The following MCTP1 variants were observed in gnomAD, a reference collection of about 807,000 sequenced individuals.
MCTP1 encodes the protein multiple C2 and transmembrane domain containing 1.
Under a neutral mutation model 120.6 loss-of-function variants are expected in MCTP1, and 69 were observed. That is an observed-to-expected ratio of 0.57 (90% CI 0.47 to 0.70). MCTP1 has a LOEUF of 0.70. Among genes scored for constraint, MCTP1 ranks in the 30% least tolerant of loss-of-function variants. The pLI is 0.00. For missense variants in MCTP1, 1,203 were observed against 1,248.8 expected (o/e 0.96, Z 0.55); for synonymous variants, 529 against 493.1 (o/e 1.07, Z -0.96).
chr5:94,713,071 G>T (rs1240049415), intron 20 of MCTP1, among the ~76,000 whole-genome samples: 1 of 152,082 alleles, frequency 6.6e-6, no homozygotes, highest in African/African-American at 2.4e-5. Context: ...CCCAAAAAGG[G>T]ATGCAATTCA....
intron 1 of MCTP1, among the ~76,000 whole-genome samples, chr5:95,105,845 A>G (rs1757042289): frequency 6.6e-6 from 1 of 152,170 alleles, no homozygotes; most frequent in African/African-American, 2.4e-5. Flanking sequence ...AAATATGATG[A>G]TTAAGCCTTT....
intron 10 of MCTP1, among the ~76,000 whole-genome samples, chr5:94,905,919 G>C (rs1301002012): frequency 6.6e-6 from 1 of 152,068 alleles, no homozygotes; most frequent in African/African-American, 2.4e-5. Context: ...CAACATGAGG[G>C]GATGAGGAAA....
intron 3 of MCTP1, among the ~76,000 whole-genome samples, chr5:94,948,590 T>C (rs1034486866): frequency 2.0e-5 from 3 of 152,202 alleles, no homozygotes; most frequent in Non-Finnish European, 2.9e-5. Flanking sequence ...GGGTGCTCTA[T>C]GGTTTATGGC....
chr5:94,973,549 T>G (rs1394213996), intron 2 of MCTP1, among the ~76,000 whole-genome samples: 2 of 152,180 alleles, frequency 1.3e-5, no homozygotes, highest in Non-Finnish European at 1.5e-5. Flanking sequence ...AGACCATTTT[T>G]GCATCCCAGA....
intron 18 of MCTP1, chr5:94,789,600 A>G (rs1275564033): frequency 6.6e-6 from 1 of 152,250 alleles, no homozygotes; most frequent in Non-Finnish European, 1.5e-5. Context: ...CAGTGGCCAC[A>G]GGTAGATATT....
intron 20 of MCTP1, 83 bp from the exon 21 acceptor site, chr5:94,711,010 A>C (rs1414375533): frequency 5.4e-6 from 5 of 926,098 alleles, no homozygotes; most frequent in African/African-American, 5.0e-5. Flanking sequence ...CTAACTTGGG[A>C]CCTAGTTAGT....
In MCTP1 at chr5:95,038,119, C is replaced by T. The variant is rs961494317; in HGVS notation, c.721-20635G>A. ...GAACAATCTCATGGTCACAGGTGCA[C>T]AGCTGTGGATGGAGTAGGATCTCAT... On this transcript the variant is annotated intron_variant, in intron 1 of 22. Coordinates refer to ENST00000515393, the MANE Select transcript of MCTP1 (RefSeq NM_024717.7). 4 of 984,966 alleles carry T rather than the reference C, an allele frequency of 4.1e-6. No individual in the cohort carries two copies. The African/African-American group carries it at 7.0e-5, about 17-fold the overall frequency. 61.0% of individuals were successfully genotyped at this position (984,966 alleles called of 1,614,324 possible).
rs930091960 is a variant in MCTP1, at chr5:95,255,897, A to G, written c.720+27959T>C. ...CCTACCTAAGCAATCAGTGCATCCC[A>G]GCACTGCACCAGGCAGAAGTTCGGT... On this transcript the variant is annotated intron_variant, in intron 1 of 22. Transcript: ENST00000515393. 5.9e-5 allele frequency among the ~76,000 whole-genome samples: 9 copies of G among 152,164 alleles called. No individual in the cohort carries two copies. The South Asian group carries it at 8.3e-4, about 14-fold the overall frequency.
intron 17 of MCTP1, among the ~76,000 whole-genome samples, chr5:94,820,065 T>G (rs983533658): frequency 6.6e-6 from 1 of 152,198 alleles, no homozygotes; most frequent in South Asian, 2.1e-4. Context: ...TCTTTTTAAC[T>G]TGTACCTTGA....
chr5:94,715,381 A>C (rs1481474784), intron 19 of MCTP1, among the ~76,000 whole-genome samples: 3 of 150,922 alleles, frequency 2.0e-5, no homozygotes, highest in South Asian at 2.1e-4. Context: ...AAAAAAAAAA[A>C]AAAAAAAACA....
chr5:94,872,877 A>T lies in MCTP1; in HGVS notation c.2036+262T>A, dbSNP rs567764083. 2.0e-5 allele frequency among the ~76,000 whole-genome samples: 3 copies of T among 152,172 alleles called. No individual in the cohort carries two copies. In the South Asian group the frequency reaches 6.2e-4, roughly 31 times the overall value. ...AGCGGTATGGTGATTCAGTTAATGG[A>T]AGCAAAATCCTTAGCCAAATCATAT... is the stretch of plus-strand genomic sequence containing the variant. On this transcript the variant is annotated intron_variant, in intron 13 of 22. Coordinates refer to ENST00000515393, the MANE Select transcript of MCTP1 (RefSeq NM_024717.7).
At chr5:95,139,359 T>C (rs939416468) in intron 1 of MCTP1, among the ~76,000 whole-genome samples, 2 of 152,234 alleles carry the variant, frequency 1.3e-5, no homozygotes, top group African/African-American at 4.8e-5. Flanking sequence ...TTGCATGCTT[T>C]TCTTTCCGGC....
chr5:95,044,605 A>AT (rs1842862989), intron 1 of MCTP1, among the ~76,000 whole-genome samples: 1 of 151,808 alleles, frequency 6.6e-6, no homozygotes, highest in African/African-American at 2.4e-5. Context: ...TCCAGATCTA[A>AT]TCTCTTCTTT....
chr5:95,283,754 C>T, intron 1 of MCTP1, 102 bp downstream of exon 1: 1 of 911,384 alleles, frequency 1.1e-6, no homozygotes, highest in Non-Finnish European at 1.5e-6. Flanking sequence ...CATTTCTCCT[C>T]CCGCCTCCCG....
rs183799348 is a variant in MCTP1, at chr5:95,148,339, A to G, written c.721-130855T>C. 8.1e-4 allele frequency among the ~76,000 whole-genome samples: 123 copies of G among 152,278 alleles called. 1 individual carries two copies. The highest frequency in any genetic ancestry group is 2.9e-3 in the African/African-American group (120 of 41,570). ...TCTCTCTCCTTTCTCAGGAATGCCA[A>G]TGAGTCATAGATTTGGTCTCTTTAT... is the stretch of plus-strand genomic sequence containing the variant. On this transcript the variant is annotated intron_variant, in intron 1 of 22. Coordinates refer to ENST00000515393, the MANE Select transcript of MCTP1 (RefSeq NM_024717.7).
chr5:94,994,957 T>C (rs933770145), intron 2 of MCTP1, among the ~76,000 whole-genome samples: 1 of 152,192 alleles, frequency 6.6e-6, no homozygotes, highest in Non-Finnish European at 1.5e-5. Flanking sequence ...CCAGGGGCCC[T>C]TGGGCCTTTG....
intron 1 of MCTP1, among the ~76,000 whole-genome samples, chr5:95,127,152 G>A (rs1002784790): frequency 6.6e-6 from 1 of 151,740 alleles, no homozygotes; most frequent in Non-Finnish European, 1.5e-5. Context: ...CCATTTGGAT[G>A]ACAAATAAAA....
chr5:94,899,245 T>C (rs1448601176), intron 10 of MCTP1, among the ~76,000 whole-genome samples: 1 of 152,242 alleles, frequency 6.6e-6, no homozygotes, highest in Non-Finnish European at 1.5e-5. Context: ...AAAACTTACA[T>C]GACACAGCTT....
chr5:95,283,803 G>A, intron 1 of MCTP1, 53 bp downstream of exon 1: 1 of 1,306,744 alleles, frequency 7.7e-7, no homozygotes, highest in Non-Finnish European at 9.7e-7. Context: ...AACGCCTGAA[G>A]AGGGAGGCGT....
Sources: gnomAD v4.1 joint callset for allele counts (sites outside exome capture counted in the v4.1 genomes callset) on GRCh38, gnomAD v4.1.1 for gene constraint, MANE v1.5 for transcripts, NCBI Gene and HGNC (gene_info 2026-07-23, HGNC 2026-07-21) for gene names.